NMNAT3: variants seen among roughly 807,000 people sequenced by gnomAD.
NMNAT3 encodes the protein nicotinamide/nicotinic acid mononucleotide adenylyltransferase 3.
Under a neutral mutation model 24.8 loss-of-function variants are expected in NMNAT3, and 21 were observed. The ratio of observed to expected loss-of-function variants is 0.85; its 90% CI spans 0.60 to 1.22. The LOEUF (loss-of-function observed/expected upper bound fraction) is 1.22, where lower values mean the gene tolerates loss of function less well. Among genes scored for constraint, NMNAT3 ranks in the 50% most tolerant of loss-of-function variants. NMNAT3 has a pLI of 0.00. For missense variants in NMNAT3, 387 were observed against 436.6 expected, an observed-to-expected ratio of 0.89 and a Z score of 1.01; for synonymous variants, 136 against 155.2, an observed-to-expected ratio of 0.88 and a Z score of 0.92.
At chr3:139,596,561 T>C (rs78727124) in intron 3 of NMNAT3, among the ~76,000 whole-genome samples, 1,636 of 152,172 alleles carry the variant, frequency 0.011, 17 homozygotes, top group Middle Eastern at 0.017. Context: ...CTGTCTGGAG[T>C]CAGTATCACA....
In NMNAT3 at chr3:139,577,067, A is replaced by T. The variant is rs1208763768; in HGVS notation, c.575+1805T>A. ...GCTTAATTAATAAACTTGGCAGCTG[A>T]AGTGGTGGGCTAGCCATGTATTGGA... On this transcript the variant is annotated intron_variant, in intron 5 of 6. Transcript: ENST00000643695. Among the ~76,000 whole-genome samples, 4 of 152,106 alleles carry T rather than the reference A, an allele frequency of 2.6e-5. No homozygotes were observed. In the East Asian group the frequency reaches 7.7e-4, roughly 29 times the overall value.
intron 3 of NMNAT3, among the ~76,000 whole-genome samples, chr3:139,596,199 G>A (rs1342051863): frequency 6.6e-6 from 1 of 152,148 alleles, no homozygotes. Flanking sequence ...CCCTGTCAGA[G>A]CCTGGGGAGG....
chr3:139,617,024 T>C (rs1366536860), intron 3 of NMNAT3, among the ~76,000 whole-genome samples: 2 of 152,216 alleles, frequency 1.3e-5, no homozygotes, highest in Non-Finnish European at 1.5e-5. Context: ...ATGTTCTTTT[T>C]CTGAATCCCC....
intron 6 of NMNAT3, among the ~76,000 whole-genome samples, chr3:139,562,830 AATCACAGAAACACACTTTTCAAATG>A (rs926300792): frequency 6.6e-6 from 1 of 152,238 alleles, no homozygotes; most frequent in African/African-American, 2.4e-5. Flanking sequence ...CAACATATGC[AATCACAGAAACACACTTTTCAAATG>A]CTCTAGCGGC....
chr3:139,612,925 T>A (rs1023149557), intron 3 of NMNAT3, among the ~76,000 whole-genome samples: 3 of 152,266 alleles, frequency 2.0e-5, no homozygotes, highest in South Asian at 4.1e-4. Flanking sequence ...AAAACTGGCT[T>A]GCCATATGTA....
At chr3:139,618,377 C>T (rs2055607653) in intron 3 of NMNAT3, among the ~76,000 whole-genome samples, 1 of 152,104 alleles carries the variant, frequency 6.6e-6, no homozygotes, top group Non-Finnish European at 1.5e-5. Context: ...ATTATAGTGT[C>T]TCTGTCAGCT....
rs781766959 is a variant in NMNAT3 at position 139,659,026 on chromosome 3, T to C, written c.-141+18679A>G. ...ACTTTAAATATAAATAGAATCACAC[T>C]GTCTGGTCTTCTGTGTCCGTTTTAC... is the stretch of plus-strand genomic sequence containing the variant. On this transcript the variant is annotated intron_variant, in intron 1 of 6. Transcript: ENST00000643695. Among the ~76,000 whole-genome samples the C allele has an allele frequency of 2.6e-5, 4 of 152,316 alleles. No homozygotes were observed. The East Asian group carries it at 7.7e-4, about 29-fold the overall frequency.
chr3:139,658,935 C>T (rs1285736960), intron 1 of NMNAT3, among the ~76,000 whole-genome samples: 1 of 152,136 alleles, frequency 6.6e-6, no homozygotes, highest in Non-Finnish European at 1.5e-5. Flanking sequence ...AATCCCCCTG[C>T]ACCCCTCCCT....
chr3:139,587,103 T>A (rs1339049423), intron 3 of NMNAT3, among the ~76,000 whole-genome samples: 1 of 152,196 alleles, frequency 6.6e-6, no homozygotes, highest in Non-Finnish European at 1.5e-5. Context: ...CCTGTGCCAA[T>A]ACACAACGGC....
intron 3 of NMNAT3, among the ~76,000 whole-genome samples, chr3:139,595,460 C>T (rs2054404897): frequency 6.6e-6 from 1 of 152,326 alleles, no homozygotes; most frequent in East Asian, 1.9e-4. Flanking sequence ...GGAAAAACTA[C>T]TTTAAAGTTC....
At chr3:139,677,049 C>A (rs955015568) in intron 1 of NMNAT3, among the ~76,000 whole-genome samples, 3 of 152,166 alleles carry the variant, frequency 2.0e-5, no homozygotes, top group Non-Finnish European at 4.4e-5. Flanking sequence ...CCAGCCCCAC[C>A]AACCCTCCTT....
At chr3:139,631,207 C>T (rs2056283143) in intron 2 of NMNAT3, among the ~76,000 whole-genome samples, 1 of 152,140 alleles carries the variant, frequency 6.6e-6, no homozygotes, top group Non-Finnish European at 1.5e-5. Context: ...CTGAAGGACA[C>T]AGGAGTGCAC....
chr3:139,566,935 T>A (rs2108008869), intron 6 of NMNAT3: 1 of 152,344 alleles, frequency 6.6e-6, no homozygotes, highest in South Asian at 2.1e-4. Context: ...TGGCATTGAA[T>A]CTATAAATTA....
intron 6 of NMNAT3, among the ~76,000 whole-genome samples, chr3:139,563,798 T>G (rs1451279311): frequency 6.6e-6 from 1 of 152,200 alleles, no homozygotes; most frequent in Non-Finnish European, 1.5e-5. Flanking sequence ...TTAGACCGAG[T>G]GACTCTATCC....
At position 139,561,211 on chromosome 3, in the gene NMNAT3, CT is replaced by C. The variant is rs1559842498; in HGVS notation, c.839del (p.Gln280ArgfsTer30). On this transcript the variant is annotated frameshift_variant, in exon 7 of 7. Coordinates refer to ENST00000643695, the MANE Select transcript of NMNAT3 (RefSeq NM_001320510.2). LOFTEE classifies it low-confidence loss of function (END_TRUNC). ...GCTCCTTGGCCAGGTGAATGTTGTGCTGGTGCATCCGTAGGATGGGAGATTC... is the reference window on the plus strand; with the variant it reads ...GCTCCTTGGCCAGGTGAATGTTGTGCGGTGCATCCGTAGGATGGGAGATTC... 1 of 1,614,152 alleles carries C rather than the reference CT, an allele frequency of 6.2e-7. No homozygotes were observed. The highest frequency in any genetic ancestry group is 2.2e-5 in the East Asian group (1 of 44,880).
At chr3:139,589,608 GT>G (rs1332392159) in intron 3 of NMNAT3, among the ~76,000 whole-genome samples, 30 of 152,318 alleles carry the variant, frequency 2.0e-4, no homozygotes, top group African/African-American at 7.2e-4. Context: ...TAGAACAGGT[GT>G]CAGCAGGCTT....
intron 3 of NMNAT3, chr3:139,599,277 A>T: frequency 1.4e-6 from 1 of 701,612 alleles, no homozygotes; most frequent in Non-Finnish European, 2.6e-6. Flanking sequence ...GCACAGAATG[A>T]TTACTAATTT....
chr3:139,659,132 AT>A (rs1298634557), intron 1 of NMNAT3, among the ~76,000 whole-genome samples: 1 of 152,196 alleles, frequency 6.6e-6, no homozygotes, highest in African/African-American at 2.4e-5. Flanking sequence ...ATGGTGTTCC[AT>A]TATTTGGCTA....
chr3:139,663,435 A>G (rs1320126760), intron 1 of NMNAT3, among the ~76,000 whole-genome samples: 1 of 152,196 alleles, frequency 6.6e-6, no homozygotes, highest in Non-Finnish European at 1.5e-5. Context: ...GGATGTAGAC[A>G]TTTGGAAGGC....
Sources: allele counts gnomAD v4.1 joint callset (sites outside exome capture counted in the v4.1 genomes callset), GRCh38; gene constraint gnomAD v4.1.1; transcripts MANE v1.5; gene names NCBI Gene and HGNC (gene_info 2026-07-23, HGNC 2026-07-21).